CNTNAP3: variants seen among roughly 807,000 people sequenced by gnomAD.
The protein encoded by CNTNAP3 is contactin-associated protein-like 3.
Under a neutral mutation model 92.1 loss-of-function variants are expected in CNTNAP3, and 36 were observed. The observed-to-expected ratio is 0.39, with a 90% CI of 0.30 to 0.52. The LOEUF (loss-of-function observed/expected upper bound fraction) is 0.52. CNTNAP3 is among the 20% of genes least tolerant of loss of function. The probability of loss-of-function intolerance (pLI) is 0.76; values close to 1 mark genes in which losing one functional copy is unlikely to be tolerated. For synonymous variants in CNTNAP3, 232 were observed against 422.3 expected, an observed-to-expected ratio of 0.55 and a Z score of 5.53; for missense variants, 534 against 1,069.6, an observed-to-expected ratio of 0.50 and a Z score of 6.98.
chr9:39,074,307 G>A (rs549618256), intron 23 of CNTNAP3, among the ~76,000 whole-genome samples: 2 of 151,842 alleles, frequency 1.3e-5, no homozygotes, highest in South Asian at 4.2e-4. Context: ...GGGATTACAG[G>A]TGTGAGTTAC....
Position 39,277,964 on chromosome 9 carries a change from A to T in CNTNAP3, c.85+10016T>A, listed in dbSNP as rs1179727042. ...AGAAGGAAATAAAGGGCATTCAATT[A>T]GGAAAAGAGGAAGTCAAATTGTCCC... is the stretch of plus-strand genomic sequence containing the variant. On this transcript the variant is annotated intron_variant, in intron 1 of 23. Coordinates refer to ENST00000297668, the MANE Select transcript of CNTNAP3 (RefSeq NM_033655.5). 1.2e-4 allele frequency among the ~76,000 whole-genome samples: 2 copies of T among 16,846 alleles called. 1 individual carries two copies. Among genetic ancestry groups the T allele is most frequent in the Non-Finnish European group, 2.3e-4 (2 of 8,594 alleles). 11.1% of individuals were successfully genotyped at this position (16,846 alleles called of 152,430 possible). A position where few individuals can be genotyped will look rare whatever the true frequency, so the allele number is the denominator to read the frequency against.
intron 14 of CNTNAP3, among the ~76,000 whole-genome samples, chr9:39,113,997 CACACATATATAT>C: frequency 7.0e-6 from 1 of 143,628 alleles, no homozygotes; most frequent in African/African-American, 2.9e-5. Context: ...TATATACACA[CACACATATATAT>C]ACACACATAT....
At position 39,086,737 on chromosome 9, in the gene CNTNAP3, TTC is replaced by T. The variant is rs1388544693; in HGVS notation, c.3331_3332del (p.Glu1111ArgfsTer9). ...TTACCTCTACCATGACCACAGCTTCTTCTCTGTTAATCTTCACTTGGTGAAGT... is the reference window on the plus strand; with the variant it reads ...TTACCTCTACCATGACCACAGCTTCTTCTGTTAATCTTCACTTGGTGAAGT... ...GQLHQVKINREEAVVMVEVNQ... is the reference protein window; with the variant it reads ...GQLHQVKINRXEAVVMVEVNQ... On this transcript the variant is annotated frameshift_variant, in exon 20 of 24. Coordinates refer to ENST00000297668, the MANE Select transcript of CNTNAP3 (RefSeq NM_033655.5). LOFTEE classifies it high-confidence loss of function. The T allele has an allele frequency of 6.2e-7, 1 of 1,611,012 alleles. No individual in the cohort carries two copies. The highest frequency in any genetic ancestry group is 1.3e-5 in the African/African-American group (1 of 74,584).
Position 39,076,249 on chromosome 9 carries a change from C to A in CNTNAP3, c.3745+2136G>T, listed in dbSNP as rs999870915. 9.2e-5 allele frequency among the ~76,000 whole-genome samples: 14 copies of A among 152,404 alleles called. No homozygotes were observed. In the East Asian group the frequency reaches 2.7e-3, roughly 29 times the overall value. The stretch of plus-strand genomic sequence containing the variant: ...CTTCTCACCAAAAGCTGGGTACTAA[C>A]CCTGACATTGTGTAAACGTCTGTAG... On this transcript the variant is annotated intron_variant, in intron 23 of 23. Coordinates refer to ENST00000297668, the MANE Select transcript of CNTNAP3 (RefSeq NM_033655.5).
At chr9:39,092,327 T>C (rs1826224466) in intron 18 of CNTNAP3, among the ~76,000 whole-genome samples, 1 of 144,220 alleles carries the variant, frequency 6.9e-6, no homozygotes, top group East Asian at 2.1e-4. Context: ...TGTCTTAGGG[T>C]GGCAGGTCAG....
At chr9:39,119,735 T>C (rs1257293883) in intron 13 of CNTNAP3, among the ~76,000 whole-genome samples, 1 of 152,150 alleles carries the variant, frequency 6.6e-6, no homozygotes, top group African/African-American at 2.4e-5. Context: ...TGATAGATTC[T>C]GGAAATAATA....
chr9:39,140,605 T>C lies in CNTNAP3; in HGVS notation c.1790A>G (p.His597Arg). The change falls in exon 12 of 24, where the codon CAC becomes CGC. Residue 597 changes from histidine (H) to arginine (R), a missense_variant. Transcript: ENST00000297668. Reference protein sequence around the residue: ...LYEQSCEAHKHRGNPSGLYYI... With the variant: ...LYEQSCEAHKRRGNPSGLYYI... ...GTAAAGCCCAGACGGGTTCCCTCGG[T>C]GCTTGTGGGCTTCACAAGACTGCTC... is the stretch of plus-strand genomic sequence containing the variant. The C allele has an allele frequency of 6.2e-7, 1 of 1,613,444 alleles. No individual in the cohort carries two copies. Among genetic ancestry groups the C allele is most frequent in the Non-Finnish European group, 8.5e-7 (1 of 1,179,700 alleles).
intron 4 of CNTNAP3, among the ~76,000 whole-genome samples, chr9:39,183,985 T>C (rs932855224): frequency 6.7e-6 from 1 of 149,522 alleles, no homozygotes; most frequent in East Asian, 1.9e-4. Context: ...CAGATTAGTT[T>C]TGTCAGTTCC....
intron 19 of CNTNAP3, among the ~76,000 whole-genome samples, chr9:39,087,909 T>G (rs1423191275): frequency 6.6e-6 from 1 of 152,174 alleles, no homozygotes; most frequent in Non-Finnish European, 1.5e-5. Context: ...TACCACTGTT[T>G]GAGAGGTTGT....
At chr9:39,091,816 T>C (rs1414295929) in intron 18 of CNTNAP3, among the ~76,000 whole-genome samples, 1 of 151,870 alleles carries the variant, frequency 6.6e-6, no homozygotes, top group East Asian at 1.9e-4. Context: ...ATAGTTGATA[T>C]ATTCTGATAG....
Position 39,071,237 on chromosome 9 carries a change from T to TA in CNTNAP3, c.*2652dup, listed in dbSNP as rs1343007924. Among the ~76,000 whole-genome samples, 9 of 145,240 alleles carry TA rather than the reference T, an allele frequency of 6.2e-5. 1 individual carries two copies. The highest frequency in any genetic ancestry group is 1.2e-4 in the Non-Finnish European group (8 of 67,638). On this transcript the variant is annotated 3_prime_UTR_variant, in exon 24 of 24. Transcript: ENST00000297668. Reference sequence around the variant, plus strand: ...TTTCACAGTAATAGAGACAGAGTAATAGAGACACGGGGTAGAATATGTCAC... The same window carrying TA: ...TTTCACAGTAATAGAGACAGAGTAATAAGAGACACGGGGTAGAATATGTCAC...
intron 18 of CNTNAP3, chr9:39,099,688 C>T (rs2118471963): frequency 2.5e-6 from 2 of 808,782 alleles, no homozygotes; most frequent in Non-Finnish European, 3.8e-6. Flanking sequence ...AGGGGTAACC[C>T]AGAGATCTTC....
Position 39,129,119 on chromosome 9 carries a change from A to T in CNTNAP3, c.2080+3813T>A, listed in dbSNP as rs190505668. Among the ~76,000 whole-genome samples the T allele has an allele frequency of 6.5e-3, 994 of 152,282 alleles. 6 individuals carry two copies. Among genetic ancestry groups the T allele is most frequent in the Non-Finnish European group, 0.01 (699 of 68,002 alleles). On this transcript the variant is annotated intron_variant, in intron 13 of 23. Coordinates refer to ENST00000297668, the MANE Select transcript of CNTNAP3 (RefSeq NM_033655.5). ...TCATTCCCATAAAAATTCTAGCAAG[A>T]TGTTTGTAGACATAAACAAATTTAT...
chr9:39,080,400 C>A (rs1825904673), intron 21 of CNTNAP3, among the ~76,000 whole-genome samples: 1 of 136,152 alleles, frequency 7.3e-6, no homozygotes, highest in Non-Finnish European at 1.6e-5. Flanking sequence ...TTGTAGTTTT[C>A]CACTCAGACA....
chr9:39,077,593 A>G (rs1367864053), intron 23 of CNTNAP3, among the ~76,000 whole-genome samples: 2 of 149,818 alleles, frequency 1.3e-5, no homozygotes, highest in Admixed American at 1.3e-4. Flanking sequence ...CAAACAAACA[A>G]AAAACTTCTT....
At chr9:39,107,000 T>C (rs1826620615) in intron 15 of CNTNAP3, among the ~76,000 whole-genome samples, 1 of 152,016 alleles carries the variant, frequency 6.6e-6, no homozygotes, top group African/African-American at 2.4e-5. Flanking sequence ...AAAAAATTGA[T>C]AGGATGACCA....
chr9:39,104,966 T>TTATTA (rs1419208802), intron 15 of CNTNAP3, among the ~76,000 whole-genome samples: 3 of 152,170 alleles, frequency 2.0e-5, no homozygotes, highest in Non-Finnish European at 4.4e-5. Flanking sequence ...TTTTGACACT[T>TTATTA]TAAGGTTACA....
Position 39,087,662 on chromosome 9 carries a change from A to G in CNTNAP3, c.3220+761T>C, listed in dbSNP as rs1826093232. Among the ~76,000 whole-genome samples the G allele has an allele frequency of 2.0e-5, 3 of 151,862 alleles. No individual in the cohort carries two copies. In the South Asian group the frequency reaches 6.2e-4, roughly 32 times the overall value. The stretch of plus-strand genomic sequence containing the variant: ...CCACCATGCCCGGCTCATTTTTTGT[A>G]TTTTTAGTAGAGATGGGGTTTCACT... On this transcript the variant is annotated intron_variant, in intron 19 of 23. Transcript: ENST00000297668.
intron 15 of CNTNAP3, 116 bp downstream of exon 15, chr9:39,109,044 C>T (rs980269707): frequency 7.6e-6 from 11 of 1,447,690 alleles, no homozygotes; most frequent in Non-Finnish European, 1.0e-5. Flanking sequence ...CTGATATTCG[C>T]CCCAGTCCTA....
Sources: gnomAD v4.1 joint callset for allele counts (sites outside exome capture counted in the v4.1 genomes callset) on GRCh38, gnomAD v4.1.1 for gene constraint, MANE v1.5 for transcripts, NCBI Gene and HGNC (gene_info 2026-07-23, HGNC 2026-07-21) for gene names.